RET: variants seen among roughly 807,000 people sequenced by gnomAD.
RET encodes ret proto-oncogene.
RET carries 19 observed loss-of-function variants against 118.3 expected under a neutral mutation model. The ratio of observed to expected loss-of-function variants is 0.16; its 90% CI spans 0.11 to 0.24. The LOEUF (loss-of-function observed/expected upper bound fraction) is 0.24. RET is among the 10% of genes least tolerant of loss of function. The pLI, the probability that RET is intolerant of heterozygous loss-of-function variation, is 1.00. For synonymous variants in RET, 597 were observed against 644.1 expected (o/e 0.93, Z 1.11); for missense variants, 1,219 against 1,502.1 (o/e 0.81, Z 3.12).
intron 17 of RET, 72 bp downstream of exon 17, chr10:43,123,880 T>G: frequency 1.2e-6 from 2 of 1,604,916 alleles, no homozygotes; most frequent in Non-Finnish European, 1.7e-6. Context: ...TCCCTCCCCA[T>G]CCAGAGCAGC....
chr10:43,077,113 G>GGAACGTGCGTCGCGCCCCC lies in RET; in HGVS notation c.-145_-127dup. On this transcript the variant is annotated 5_prime_UTR_variant, in exon 1 of 20. Coordinates refer to ENST00000355710, the MANE Select transcript of RET (RefSeq NM_020975.6). Reference sequence around the variant, plus strand: ...GGCGCGCAGCAGCGCTGAGTGCCCCGGAACGTGCGTCGCGCCCCCAGTGTC... The same window carrying GGAACGTGCGTCGCGCCCCC: ...GGCGCGCAGCAGCGCTGAGTGCCCCGGAACGTGCGTCGCGCCCCCGAACGTGCGTCGCGCCCCCAGTGTC... The GGAACGTGCGTCGCGCCCCC allele has an allele frequency of 2.7e-6, 3 of 1,126,744 alleles. No homozygotes were observed. Among genetic ancestry groups the GGAACGTGCGTCGCGCCCCC allele is most frequent in the Non-Finnish European group, 3.4e-6 (3 of 889,234 alleles). The allele number at this position is 1,126,744 out of a possible 1,614,324, so 69.8% of individuals were successfully genotyped here.
chr10:43,115,314 C>G (rs980946696), intron 11 of RET, among the ~76,000 whole-genome samples: 1 of 152,218 alleles, frequency 6.6e-6, no homozygotes, highest in African/African-American at 2.4e-5. Flanking sequence ...AGCTGAGCAC[C>G]CAGTGGCCAC....
chr10:43,106,286 T>A lies in RET; in HGVS notation c.868-90T>A. The A allele has an allele frequency of 7.9e-7, 1 of 1,259,140 alleles. No individual in the cohort carries two copies. The highest frequency in any genetic ancestry group is 1.1e-6 in the Non-Finnish European group (1 of 883,890). 78.0% of individuals were successfully genotyped at this position (1,259,140 alleles called of 1,614,324 possible). On this transcript the variant is annotated intron_variant, in intron 4 of 19. Coordinates refer to ENST00000355710, the MANE Select transcript of RET (RefSeq NM_020975.6). The surrounding 1 kb of genome is among the most constrained non-coding windows in gnomAD (Gnocchi z 5.1). The stretch of plus-strand genomic sequence containing the variant: ...ACATCTGGTCCACCTATGGGCTGTG[T>A]GGGACGTGCAGCATTCTAAGGTCTC...
rs2133037467 is a variant in RET, at chr10:43,126,706, T to A, written c.3171T>A (p.Ile1057=). 6.2e-7 allele frequency: 1 copy of A among 1,614,032 alleles called. No individual in the cohort carries two copies. The highest frequency in any genetic ancestry group is 1.7e-5 in the Admixed American group (1 of 60,010). The change falls in exon 19 of 20, where the codon ATT becomes ATA. Residue 1057 remains isoleucine (I), a synonymous_variant. Transcript: ENST00000355710. ...PLPRALPSTW[I]ENKLYGMSDP... is the part of the protein sequence containing the mutation. ...CTCGAGCCCTCCCTTCCACATGGATTGAAAACAAACTCTATGGTAGAATTT... is the reference window on the plus strand; with the variant it reads ...CTCGAGCCCTCCCTTCCACATGGATAGAAAACAAACTCTATGGTAGAATTT...
rs2132856033 is a variant in RET at position 43,114,739 on chromosome 10, G to A, written c.2136+3G>A. ...CCGTGGATGCCTTCAAGATCCTGGT[G>A]AGGGTCCCTGCGGGGCAGGGAAGAT... is the stretch of plus-strand genomic sequence containing the variant. On this transcript the variant is annotated splice_donor_region_variant and intron_variant, in intron 11 of 19. Coordinates refer to ENST00000355710, the MANE Select transcript of RET (RefSeq NM_020975.6). This position sits in a 1 kb window ranked among gnomAD's most constrained non-coding sequence, Gnocchi z 4.6. The A allele has an allele frequency of 6.2e-7, 1 of 1,607,774 alleles. No homozygotes were observed. The highest frequency in any genetic ancestry group is 1.1e-5 in the South Asian group (1 of 90,734).
intron 19 of RET, chr10:43,127,309 C>T (rs530158005): frequency 6.4e-5 from 69 of 1,070,232 alleles, no homozygotes; most frequent in African/African-American, 1.3e-4. Context: ...CCTGGGAGGA[C>T]GCACCCCCAC....
Position 43,130,269 on chromosome 10 carries a change from C to T in RET, c.*2000C>T. On this transcript the variant is annotated 3_prime_UTR_variant, in exon 20 of 20. Transcript: ENST00000355710. ...TTTGTAAAATCTATTTATGAAAGGT[C>T]ATTAAACCAGATCATGTTCCTTTTT... The T allele has an allele frequency of 2.7e-6, 1 of 369,264 alleles. No individual in the cohort carries two copies. The highest frequency in any genetic ancestry group is 4.8e-6 in the Non-Finnish European group (1 of 208,454). The allele number at this position is 369,264 out of a possible 1,614,324, so 22.9% of individuals were successfully genotyped here. A position where few individuals can be genotyped will look rare whatever the true frequency, so the allele number is the denominator to read the frequency against.
intron 1 of RET, among the ~76,000 whole-genome samples, chr10:43,094,642 C>T (rs926139445): frequency 1.3e-5 from 2 of 152,198 alleles, no homozygotes; most frequent in African/African-American, 4.8e-5. Flanking sequence ...CCAAGGGCCA[C>T]AGCCAGGAGC....
chr10:43,105,958 C>T (rs899276857), intron 4 of RET, among the ~76,000 whole-genome samples: 1 of 152,198 alleles, frequency 6.6e-6, no homozygotes, highest in Admixed American at 6.5e-5. Context: ...CTGATGTACA[C>T]CTGGCCTCGG....
chr10:43,091,145 A>C (rs1564486371), intron 1 of RET, among the ~76,000 whole-genome samples: 3 of 152,280 alleles, frequency 2.0e-5, no homozygotes, highest in African/African-American at 7.2e-5. Context: ...GCAGCCGAAG[A>C]AAGAATGGAT....
At chr10:43,097,083 C>T (rs1456625274) in intron 1 of RET, among the ~76,000 whole-genome samples, 3 of 152,228 alleles carry the variant, frequency 2.0e-5, no homozygotes, top group East Asian at 1.9e-4. Flanking sequence ...GGGCCCCCCA[C>T]GATCCTGTAG....
At chr10:43,116,459 ACAGCCG>A in intron 11 of RET, 119 bp from the exon 12 acceptor site, 1 of 1,231,680 alleles carries the variant, frequency 8.1e-7, no homozygotes, top group Non-Finnish European at 1.2e-6. Flanking sequence ...GGCTCAGATG[ACAGCCG>A]GTTCTCTGCA....
At chr10:43,111,975 C>A (rs2132791926) in intron 7 of RET, 124 bp from the exon 8 acceptor site, 1 of 1,376,350 alleles carries the variant, frequency 7.3e-7, no homozygotes, top group Non-Finnish European at 1.0e-6. Flanking sequence ...CTGGGTCTGT[C>A]ACTCCGGTCC....
At chr10:43,115,453 G>A (rs566492059) in intron 11 of RET, among the ~76,000 whole-genome samples, 10 of 152,208 alleles carry the variant, frequency 6.6e-5, no homozygotes, top group East Asian at 3.9e-4. Flanking sequence ...CCCAGCCCTC[G>A]GTAAGGGTGT....
At chr10:43,113,410 G>A (rs1175298743) in intron 9 of RET, 146 bp from the exon 10 acceptor site, 2 of 965,770 alleles carry the variant, frequency 2.1e-6, no homozygotes, top group East Asian at 2.6e-5. Context: ...GCCCGGCTAA[G>A]CCAAGCTGCT....
Position 43,130,194 on chromosome 10 carries a change from A to AAGTATTAAGTATTACTG in RET, c.*1937_*1953dup, listed in dbSNP as rs1838416541. The AAGTATTAAGTATTACTG allele has an allele frequency of 1.3e-5, 5 of 395,480 alleles. No individual in the cohort carries two copies. 24.5% of individuals were successfully genotyped at this position (395,480 alleles called of 1,614,324 possible). A position where few individuals can be genotyped will look rare whatever the true frequency, so the allele number is the denominator to read the frequency against. Reference sequence around the variant, plus strand: ...CATACACGTAAATGCAGAAGTTACTAAGTATTAAGTATTACTGAGTATTAA... The same window carrying AAGTATTAAGTATTACTG: ...CATACACGTAAATGCAGAAGTTACTAAGTATTAAGTATTACTGAGTATTAAGTATTACTGAGTATTAA... On this transcript the variant is annotated 3_prime_UTR_variant, in exon 20 of 20. Transcript: ENST00000355710.
In RET at chr10:43,119,851, C is replaced by T. The variant is rs1838168971; in HGVS notation, c.2607+106C>T. ...GGCCTGCCACTCCCCCACCATGCCACACTCTAGCCCACCATGCCCCTGCCA... is the reference window on the plus strand; with the variant it reads ...GGCCTGCCACTCCCCCACCATGCCATACTCTAGCCCACCATGCCCCTGCCA... On this transcript the variant is annotated intron_variant, in intron 14 of 19. Transcript: ENST00000355710. The T allele has an allele frequency of 2.3e-5, 30 of 1,330,884 alleles. 1 individual carries two copies. The South Asian group carries it at 3.6e-4, about 16-fold the overall frequency. The allele number at this position is 1,330,884 out of a possible 1,614,324, so 82.4% of individuals were successfully genotyped here.
Position 43,077,136 on chromosome 10 carries a change from G to T in RET, c.-123G>T. On this transcript the variant is annotated 5_prime_UTR_variant, in exon 1 of 20. Transcript: ENST00000355710. ...CCGGAACGTGCGTCGCGCCCCCAGT[G>T]TCCGTCGCGTCCGCCGCGCCCCGGG... 1 of 1,273,684 alleles carries T rather than the reference G, an allele frequency of 7.9e-7. No individual in the cohort carries two copies. The highest frequency in any genetic ancestry group is 1.0e-6 in the Non-Finnish European group (1 of 1,002,250). 78.9% of individuals were successfully genotyped at this position (1,273,684 alleles called of 1,614,324 possible).
At chr10:43,109,864 C>T (rs1438585228) in intron 6 of RET, among the ~76,000 whole-genome samples, 1 of 152,216 alleles carries the variant, frequency 6.6e-6, no homozygotes, top group Non-Finnish European at 1.5e-5. Flanking sequence ...TGTTGCACAT[C>T]GTGGTGTTCT....
Sources: gnomAD v4.1 joint callset for allele counts (sites outside exome capture counted in the v4.1 genomes callset) on GRCh38, gnomAD v4.1.1 for gene constraint, Gnocchi (gnomAD v3.1) non-coding constraint, MANE v1.5 for transcripts, NCBI Gene and HGNC (gene_info 2026-07-23, HGNC 2026-07-21) for gene names.